Variants in STK3 observed in about 807,000 individuals in gnomAD.
The protein encoded by STK3 is serine/threonine-protein kinase 3.
STK3 carries 41 observed loss-of-function variants against 58.0 expected under a neutral mutation model. The observed-to-expected ratio is 0.71, with a 90% CI of 0.55 to 0.92. The LOEUF (loss-of-function observed/expected upper bound fraction) is 0.92. STK3 is among the 40% of genes least tolerant of loss of function. STK3 has a pLI of 0.00. For synonymous variants in STK3, 170 were observed against 191.0 expected (o/e 0.89, Z 0.91); for missense variants, 479 against 602.7 (o/e 0.79, Z 2.15).
chr8:98,747,747 A>C (rs1173776978), intron 4 of STK3, among the ~76,000 whole-genome samples: 1 of 152,194 alleles, frequency 6.6e-6, no homozygotes, highest in Non-Finnish European at 1.5e-5. Flanking sequence ...GCTCCTGATC[A>C]ATCTCTTGTG....
chr8:98,897,466 G>C (rs1838497318), intron 1 of STK3, among the ~76,000 whole-genome samples: 1 of 151,640 alleles, frequency 6.6e-6, no homozygotes, highest in African/African-American at 2.4e-5. Flanking sequence ...CGGAGGCTGA[G>C]GCAGGAGAAT....
intron 10 of STK3, among the ~76,000 whole-genome samples, chr8:98,464,991 G>A (rs1820355600): frequency 6.6e-6 from 1 of 152,116 alleles, no homozygotes; most frequent in Non-Finnish European, 1.5e-5. Flanking sequence ...TTTAACTTCA[G>A]AGCACCTAGA....
At chr8:98,713,350 G>T (rs1054658650) in intron 4 of STK3, among the ~76,000 whole-genome samples, 1 of 152,042 alleles carries the variant, frequency 6.6e-6, no homozygotes, top group Admixed American at 6.6e-5. Context: ...CTAGGAACTG[G>T]TTTTTTGAAA....
intron 3 of STK3, among the ~76,000 whole-genome samples, chr8:98,854,179 C>A (rs144321713): frequency 0.034 from 5,140 of 152,208 alleles, 116 homozygotes; most frequent in South Asian, 0.067. Flanking sequence ...TGTTCTGTCA[C>A]CCAGGCTGGA....
At chr8:98,850,183 T>A (rs1836396523) in intron 3 of STK3, among the ~76,000 whole-genome samples, 1 of 152,172 alleles carries the variant, frequency 6.6e-6, no homozygotes, top group Non-Finnish European at 1.5e-5. Flanking sequence ...TTAATTTTTT[T>A]AGAGATGGAG....
intron 1 of STK3, among the ~76,000 whole-genome samples, chr8:98,924,228 C>A (rs972646506): frequency 6.6e-6 from 1 of 152,180 alleles, no homozygotes; most frequent in South Asian, 2.1e-4. Context: ...CAGGGAGAAC[C>A]TTGTCTGTTT....
intron 1 of STK3, chr8:98,889,957 T>C (rs1022513487): frequency 8.5e-5 from 13 of 152,208 alleles, no homozygotes; most frequent in South Asian, 2.1e-4. Flanking sequence ...GAACTAGCAG[T>C]ATCTTTAAGG....
intron 10 of STK3, among the ~76,000 whole-genome samples, chr8:98,472,488 C>T (rs1821000704): frequency 6.6e-6 from 1 of 152,110 alleles, no homozygotes; most frequent in Non-Finnish European, 1.5e-5. Flanking sequence ...TTTTACAGTA[C>T]TTCACAATTT....
At chr8:98,928,808 T>G (rs925400606) in intron 1 of STK3, among the ~76,000 whole-genome samples, 1 of 152,212 alleles carries the variant, frequency 6.6e-6, no homozygotes. Context: ...AATAATTCCC[T>G]GCAAAACTGG....
At chr8:98,401,924 TA>T (rs538076912) in intron 3 of STK3, among the ~76,000 whole-genome samples, 5 of 151,836 alleles carry the variant, frequency 3.3e-5, no homozygotes, top group South Asian at 2.1e-4. Context: ...GCATGCATTG[TA>T]AAAAAAATTC....
downstream of STK3, among the ~76,000 whole-genome samples, chr8:98,453,393 C>A (rs1279524457): frequency 2.0e-5 from 3 of 152,084 alleles, no homozygotes; most frequent in East Asian, 5.8e-4. Context: ...AGGCAGATTT[C>A]TTTCATGGCT....
downstream of STK3, among the ~76,000 whole-genome samples, chr8:98,399,733 C>T (rs116713214): frequency 9.4e-3 from 1,433 of 152,302 alleles, 26 homozygotes; most frequent in African/African-American, 0.033. Context: ...TACTGCCCTC[C>T]ATCTCCAAAA....
intron 1 of STK3, among the ~76,000 whole-genome samples, chr8:98,932,941 C>T (rs140249066): frequency 2.1e-4 from 32 of 152,332 alleles, no homozygotes; most frequent in African/African-American, 7.2e-4. Context: ...TCAGTAGCCC[C>T]AGGTCTGTGC....
intron 3 of STK3, among the ~76,000 whole-genome samples, chr8:98,754,900 A>G (rs1385665171): frequency 6.6e-6 from 1 of 152,220 alleles, no homozygotes; most frequent in Non-Finnish European, 1.5e-5. Flanking sequence ...ACTGAAAAGC[A>G]TACAAAAAAA....
chr8:98,510,800 AGC>A (rs1824454903), intron 10 of STK3, among the ~76,000 whole-genome samples: 2 of 152,126 alleles, frequency 1.3e-5, no homozygotes, highest in Non-Finnish European at 2.9e-5. Context: ...TAGACCTTAA[AGC>A]CTAACGGTGA....
At chr8:98,562,798 G>A (rs987024205) in intron 8 of STK3, among the ~76,000 whole-genome samples, 5 of 130,842 alleles carry the variant, frequency 3.8e-5, no homozygotes, top group Admixed American at 3.6e-4. Context: ...TGTAGTCCCA[G>A]CTACTTGGGA....
At chr8:98,878,246 T>C (rs1015830867) in intron 3 of STK3, among the ~76,000 whole-genome samples, 3 of 152,072 alleles carry the variant, frequency 2.0e-5, no homozygotes, top group African/African-American at 7.2e-5. Context: ...AAAGACTGGG[T>C]TTCCCCATGT....
At chr8:98,599,826 C>G in intron 6 of STK3, among the ~76,000 whole-genome samples, 1 of 151,990 alleles carries the variant, frequency 6.6e-6, no homozygotes, top group Admixed American at 6.6e-5. Flanking sequence ...CAAAAATTAG[C>G]CAGGCATGGT....
At chr8:98,388,159 T>A (rs1380174268) in intron 1 of STK3, 1 of 152,186 alleles carries the variant, frequency 6.6e-6, no homozygotes, top group Non-Finnish European at 1.5e-5. Context: ...TTCTGAAAAC[T>A]TACAAATAAA....
Sources: allele counts gnomAD v4.1 joint callset (sites outside exome capture counted in the v4.1 genomes callset), GRCh38; gene constraint gnomAD v4.1.1; transcripts MANE v1.5; gene names NCBI Gene and HGNC (gene_info 2026-07-23, HGNC 2026-07-21).